The following NBEA variants were observed in gnomAD, a reference collection of about 807,000 sequenced individuals.
NBEA encodes neurobeachin.
In NBEA, 44 loss-of-function variants were observed where a neutral mutation model predicts 343.4. The observed-to-expected ratio is 0.13, with a 90% CI of 0.10 to 0.16. NBEA has a LOEUF of 0.16. Ranked by LOEUF, NBEA falls within the 10% of genes least tolerant of loss-of-function variation. The pLI, the probability that NBEA is intolerant of heterozygous loss-of-function variation, is 1.00. For missense variants in NBEA, 2,555 were observed against 3,631.3 expected (o/e 0.70, Z 7.62); for synonymous variants, 1,175 against 1,238.7 (o/e 0.95, Z 1.08).
intron 6 of NBEA, among the ~76,000 whole-genome samples, chr13:35,053,102 A>G (rs1384943773): frequency 1.3e-5 from 2 of 152,012 alleles, no homozygotes; most frequent in Non-Finnish European, 2.9e-5. Flanking sequence ...TGGCTTTTCA[A>G]TTTTATCTTT....
chr13:35,447,379 TAC>T (rs1308951746), intron 39 of NBEA, among the ~76,000 whole-genome samples: 1 of 152,156 alleles, frequency 6.6e-6, no homozygotes, highest in Admixed American at 6.5e-5. Flanking sequence ...CTTTAAAATA[TAC>T]CTTTTTTCAC....
At chr13:35,105,742 T>C (rs372337079) in intron 11 of NBEA, among the ~76,000 whole-genome samples, 7 of 152,134 alleles carry the variant, frequency 4.6e-5, no homozygotes, top group African/African-American at 1.7e-4. Flanking sequence ...TCTGGTTGGA[T>C]TAGGCTATTT....
chr13:35,489,556 G>A (rs2076428765), intron 41 of NBEA, among the ~76,000 whole-genome samples: 1 of 151,848 alleles, frequency 6.6e-6, no homozygotes, highest in Non-Finnish European at 1.5e-5. Flanking sequence ...TCCTAGCATT[G>A]TGTTGATACA....
chr13:35,463,460 G>A (rs1400845315), intron 40 of NBEA, among the ~76,000 whole-genome samples: 5 of 151,822 alleles, frequency 3.3e-5, no homozygotes, highest in Admixed American at 3.3e-4. Flanking sequence ...CCATCCGTAC[G>A]AAAAAATTTA....
At chr13:35,394,936 C>T (rs1190972221) in intron 38 of NBEA, among the ~76,000 whole-genome samples, 1 of 152,122 alleles carries the variant, frequency 6.6e-6, no homozygotes, top group Non-Finnish European at 1.5e-5. Context: ...CTGCATCCCA[C>T]AATTTTTATC....
At chr13:34,974,509 G>A (rs1342240891) in intron 1 of NBEA, among the ~76,000 whole-genome samples, 1 of 152,150 alleles carries the variant, frequency 6.6e-6, no homozygotes, top group African/African-American at 2.4e-5. Context: ...AGGAAAACTG[G>A]CAGTGGGCCA....
intron 32 of NBEA, 41 bp downstream of exon 32, chr13:35,208,895 G>T: frequency 7.4e-7 from 1 of 1,351,708 alleles, no homozygotes; most frequent in South Asian, 1.7e-5. Flanking sequence ...ATCTTTTTAT[G>T]TTTTCTGTAT....
intron 1 of NBEA, among the ~76,000 whole-genome samples, chr13:34,973,489 A>G (rs551520796): frequency 6.6e-6 from 1 of 152,268 alleles, no homozygotes; most frequent in African/African-American, 2.4e-5. Context: ...GCCAGAGAAC[A>G]TTCGCCAGGG....
intron 22 of NBEA, 102 bp from the exon 23 acceptor site, chr13:35,161,647 GC>G (rs1417588727): frequency 7.0e-5 from 68 of 976,512 alleles, no homozygotes; most frequent in African/African-American, 4.9e-4. Flanking sequence ...AAAGTCATAT[GC>G]TAAAGCATTA....
At chr13:35,226,981 A>G (rs2074689700) in intron 33 of NBEA, among the ~76,000 whole-genome samples, 1 of 152,122 alleles carries the variant, frequency 6.6e-6, no homozygotes, top group South Asian at 2.1e-4. Flanking sequence ...TTTTACTTAT[A>G]AAAATATTCT....
At position 35,159,636 on chromosome 13, in the gene NBEA, G is replaced by C; in HGVS notation, c.3465G>C (p.Glu1155Asp). 6.2e-7 allele frequency: 1 copy of C among 1,610,926 alleles called. No individual in the cohort carries two copies. The highest frequency in any genetic ancestry group is 8.5e-7 in the Non-Finnish European group (1 of 1,178,610). Residue 1155 changes from glutamate to aspartate, a missense_variant, in exon 22 of 59, where the codon GAG (glutamate) becomes GAC (aspartate). Transcript: ENST00000379939. ...SFLFDKIPKQ[E>D]EKLLPELSSN... ...TCTTTGATAAAATACCCAAACAGGA[G>C]GAAAAACTACTTCCTGAACTTTCTA...
intron 16 of NBEA, among the ~76,000 whole-genome samples, chr13:35,121,124 T>C (rs2152673650): frequency 6.6e-6 from 1 of 152,170 alleles, no homozygotes; most frequent in Non-Finnish European, 1.5e-5. Flanking sequence ...TTTAATTTTT[T>C]TTTAGAGTCT....
chr13:35,176,097 G>C (rs540805434), intron 27 of NBEA, among the ~76,000 whole-genome samples: 1 of 152,000 alleles, frequency 6.6e-6, no homozygotes, highest in Non-Finnish European at 1.5e-5. Flanking sequence ...ACTTCTCACC[G>C]ATGGTCATAT....
At chr13:35,114,601 C>G (rs2066403893) in intron 13 of NBEA, among the ~76,000 whole-genome samples, 1 of 152,080 alleles carries the variant, frequency 6.6e-6, no homozygotes, top group Admixed American at 6.6e-5. Flanking sequence ...GGCTCTGGCT[C>G]TGTAAGACCC....
intron 10 of NBEA, among the ~76,000 whole-genome samples, chr13:35,093,412 G>C (rs1306279079): frequency 6.6e-6 from 1 of 151,492 alleles, no homozygotes; most frequent in Non-Finnish European, 1.5e-5. Flanking sequence ...TAAAGCCTAA[G>C]TATTAAAGAA....
chr13:35,430,057 T>C (rs534686910), intron 38 of NBEA, among the ~76,000 whole-genome samples: 2 of 152,278 alleles, frequency 1.3e-5, no homozygotes, highest in African/African-American at 2.4e-5. Context: ...TCATTGTGGG[T>C]ATACCACTTT....
At chr13:35,665,528 G>A (rs2085311104) in intron 56 of NBEA, among the ~76,000 whole-genome samples, 1 of 152,094 alleles carries the variant, frequency 6.6e-6, no homozygotes, top group Admixed American at 6.5e-5. Context: ...CATCAGACAC[G>A]GCCTAGGATC....
intron 36 of NBEA, among the ~76,000 whole-genome samples, chr13:35,319,510 C>A (rs953810602): frequency 6.6e-6 from 1 of 151,998 alleles, no homozygotes; most frequent in Non-Finnish European, 1.5e-5. Flanking sequence ...ATTTTACTTC[C>A]AATTATGCAG....
intron 33 of NBEA, among the ~76,000 whole-genome samples, chr13:35,229,090 G>A (rs555646364): frequency 1.3e-5 from 2 of 152,104 alleles, no homozygotes; most frequent in Non-Finnish European, 2.9e-5. Context: ...GAGTGTAGTG[G>A]CATGATCATA....
Sources: allele counts gnomAD v4.1 joint callset (sites outside exome capture counted in the v4.1 genomes callset), GRCh38; gene constraint gnomAD v4.1.1; transcripts MANE v1.5; gene names NCBI Gene and HGNC (gene_info 2026-07-23, HGNC 2026-07-21).